Variants in GABPB2 observed in about 807,000 individuals in gnomAD.
GABPB2 encodes the protein GA-binding protein subunit beta-2.
In GABPB2, 23 loss-of-function variants were observed where a neutral mutation model predicts 39.1. The observed-to-expected ratio is 0.59, with a 90% confidence interval of 0.42 to 0.83. The LOEUF (loss-of-function observed/expected upper bound fraction) is 0.83. Among genes scored for constraint, GABPB2 ranks in the 40% least tolerant of loss-of-function variants. The pLI, the probability that GABPB2 is intolerant of heterozygous loss-of-function variation, is 0.00. For synonymous variants in GABPB2, 184 were observed against 199.3 expected, an observed-to-expected ratio of 0.92 and a Z score of 0.65; for missense variants, 467 against 541.1, an observed-to-expected ratio of 0.86 and a Z score of 1.36.
chr1:151,084,234 T>C (rs867272878), intron 1 of GABPB2, among the ~76,000 whole-genome samples: 42 of 151,806 alleles, frequency 2.8e-4, no homozygotes, highest in African/African-American at 9.9e-4. Context: ...TTGTTTGTTT[T>C]GTTTTTTGAG....
chr1:151,115,083 A>G (rs1403655900), intron 7 of GABPB2, among the ~76,000 whole-genome samples: 2 of 152,138 alleles, frequency 1.3e-5, no homozygotes, highest in Non-Finnish European at 2.9e-5. Flanking sequence ...TTGCTGGGTC[A>G]TAAGGTAAGT....
At chr1:151,114,238 C>G (rs754375440) in intron 7 of GABPB2, among the ~76,000 whole-genome samples, 2 of 151,752 alleles carry the variant, frequency 1.3e-5, no homozygotes, top group Non-Finnish European at 2.9e-5. Context: ...TGCCTGTAGT[C>G]CCAGCTACTT....
chr1:151,106,234 T>C (rs1157497062), intron 6 of GABPB2, among the ~76,000 whole-genome samples: 1 of 151,994 alleles, frequency 6.6e-6, no homozygotes, highest in Non-Finnish European at 1.5e-5. Flanking sequence ...AGTGCTGGGA[T>C]TACAGGCGTG....
intron 2 of GABPB2, 55 bp from the exon 3 acceptor site, chr1:151,090,351 A>G (rs1678565277): frequency 6.7e-7 from 1 of 1,496,678 alleles, no homozygotes; most frequent in Non-Finnish European, 9.2e-7. Context: ...TCTCTCCAGT[A>G]ACGATCTAGG....
intron 3 of GABPB2, 102 bp from the exon 4 acceptor site, chr1:151,093,090 G>T: frequency 2.4e-6 from 2 of 843,232 alleles, no homozygotes; most frequent in Non-Finnish European, 1.8e-6. Context: ...ATCTAGATTT[G>T]AGTACGTAAT....
intron 6 of GABPB2, among the ~76,000 whole-genome samples, chr1:151,104,882 C>CTCTCTCTT (rs1289113871): frequency 6.7e-6 from 1 of 149,722 alleles, no homozygotes; most frequent in African/African-American, 2.5e-5. Context: ...CCCTCTCTCT[C>CTCTCTCTT]TCTCTCTTTC....
At position 151,090,434 on chromosome 1, in the gene GABPB2, C is replaced by T; in HGVS notation, c.137C>T (p.Ala46Val). ...WLGTSPLHLA[A>V]QYGHYSTAEV... is the part of the protein sequence containing the mutation. Reference sequence around the variant, plus strand: ...GGAACATCACCCCTCCACCTTGCAGCTCAATATGGTCATTATTCCACAGCA... The same window carrying T: ...GGAACATCACCCCTCCACCTTGCAGTTCAATATGGTCATTATTCCACAGCA... The change falls in exon 3 of 9, where the codon GCT becomes GTT. Residue 46 changes from alanine (A) to valine (V), a missense_variant. By Grantham distance (64) the Ala-to-Val change is moderately conservative (BLOSUM62 0). Transcript: ENST00000368918. The T allele has an allele frequency of 6.2e-7, 1 of 1,613,988 alleles. No individual in the cohort carries two copies. Among genetic ancestry groups the T allele is most frequent in the Non-Finnish European group, 8.5e-7 (1 of 1,179,938 alleles).
intron 1 of GABPB2, among the ~76,000 whole-genome samples, chr1:151,084,870 C>G (rs1678043376): frequency 6.6e-6 from 1 of 151,972 alleles, no homozygotes. Context: ...TGCCATATAC[C>G]TGAGCCCTTG....
chr1:151,114,826 A>G (rs925728018), intron 7 of GABPB2, among the ~76,000 whole-genome samples: 1 of 152,080 alleles, frequency 6.6e-6, no homozygotes. Flanking sequence ...CCTGCCCAAC[A>G]TGGCAAAACC....
intron 1 of GABPB2, among the ~76,000 whole-genome samples, chr1:151,082,388 A>AT (rs1558128810): frequency 8.8e-5 from 11 of 124,602 alleles, no homozygotes; most frequent in African/African-American, 3.4e-4. Context: ...ACAAGTGGTA[A>AT]TTTCTTTTTT....
chr1:151,074,264 C>A (rs144040112), intron 1 of GABPB2, among the ~76,000 whole-genome samples: 1 of 148,590 alleles, frequency 6.7e-6, no homozygotes, highest in African/African-American at 2.5e-5. Context: ...CGTGAGCCAC[C>A]GCGCCCGGCT....
chr1:151,096,183 G>A (rs1490181610), intron 4 of GABPB2, among the ~76,000 whole-genome samples: 1 of 152,096 alleles, frequency 6.6e-6, no homozygotes, highest in Non-Finnish European at 1.5e-5. Flanking sequence ...TAACACTTTG[G>A]GAGGCTGAGG....
At chr1:151,115,235 C>A (rs930536215) in intron 7 of GABPB2, among the ~76,000 whole-genome samples, 17 of 151,750 alleles carry the variant, frequency 1.1e-4, no homozygotes, top group Non-Finnish European at 1.9e-4. Context: ...TGGCACATGC[C>A]TGTAATCCCA....
In GABPB2 at chr1:151,079,681, C is replaced by T. The variant is rs961770068; in HGVS notation, c.1-8509C>T. On this transcript the variant is annotated intron_variant, in intron 1 of 8. Transcript: ENST00000368918. ...TTTGGGAGGCCGAGGCAGCGAATCACCTGAGGTCAGGAGTTCGAGGGGCTG... is the reference window on the plus strand; with the variant it reads ...TTTGGGAGGCCGAGGCAGCGAATCATCTGAGGTCAGGAGTTCGAGGGGCTG... Among the ~76,000 whole-genome samples the T allele has an allele frequency of 4.0e-5, 6 of 151,378 alleles. No individual in the cohort carries two copies. In the East Asian group the frequency reaches 1.2e-3, roughly 29 times the overall value.
In GABPB2 at chr1:151,105,810, T is replaced by C. The variant is rs188145826; in HGVS notation, c.737-1227T>C. On this transcript the variant is annotated intron_variant, in intron 6 of 8. Transcript: ENST00000368918. ...GTGAGCCACCATACCCAGCCAGCTA[T>C]TATTCTTGATTTATCAGAGGAAAAA... Among the ~76,000 whole-genome samples, 761 of 150,960 alleles carry C rather than the reference T, an allele frequency of 5.0e-3. 4 individuals carry two copies. Among genetic ancestry groups the C allele is most frequent in the Non-Finnish European group, 7.3e-3 (494 of 67,542 alleles).
At chr1:151,079,296 T>G (rs1677449706) in intron 1 of GABPB2, among the ~76,000 whole-genome samples, 1 of 151,936 alleles carries the variant, frequency 6.6e-6, no homozygotes, top group African/African-American at 2.4e-5. Flanking sequence ...ATCCCAGCAC[T>G]TTGGGAGGCT....
chr1:151,093,268 A>G lies in GABPB2; in HGVS notation c.353A>G (p.Asp118Gly), dbSNP rs776581932. 57 of 1,613,078 alleles carry G rather than the reference A, an allele frequency of 3.5e-5. No homozygotes were observed. The highest frequency in any genetic ancestry group is 4.6e-5 in the Non-Finnish European group (54 of 1,179,714). ...LHWATERHHR[D>G]VVELLIKYGA... The stretch of plus-strand genomic sequence containing the variant: ...TGGGCCACAGAGCGCCACCATCGAG[A>G]TGTCGTAGAGTTACTTATCAAATAT... The change falls in exon 4 of 9, where the codon GAT becomes GGT. Residue 118 changes from aspartate (D) to glycine (G), a missense_variant. Asp to Gly is a moderately conservative substitution (Grantham distance 94). Coordinates refer to ENST00000368918, the MANE Select transcript of GABPB2 (RefSeq NM_144618.3).
intron 1 of GABPB2, among the ~76,000 whole-genome samples, chr1:151,084,065 A>T (rs143408237): frequency 0.088 from 13,157 of 149,646 alleles, 726 homozygotes; most frequent in African/African-American, 0.15. Context: ...TATATAAAAA[A>T]ATATATATAT....
At chr1:151,091,098 G>A (rs948054803) in intron 3 of GABPB2, among the ~76,000 whole-genome samples, 4 of 151,672 alleles carry the variant, frequency 2.6e-5, no homozygotes, top group Non-Finnish European at 5.9e-5. Context: ...TTGTTTGTTT[G>A]ATTTTTGAGA....
Sources: gnomAD v4.1 joint callset for allele counts (sites outside exome capture counted in the v4.1 genomes callset) on GRCh38, gnomAD v4.1.1 for gene constraint, MANE v1.5 for transcripts, NCBI Gene and HGNC (gene_info 2026-07-23, HGNC 2026-07-21) for gene names.